The following KCNT2 variants were observed in gnomAD, a reference collection of about 807,000 sequenced individuals.
KCNT2 encodes the protein potassium channel subfamily T member 2.
Under a neutral mutation model 153.8 loss-of-function variants are expected in KCNT2, and 67 were observed. That is an observed-to-expected ratio of 0.44 (90% CI 0.36 to 0.53). KCNT2 has a LOEUF of 0.53. Among genes scored for constraint, KCNT2 ranks in the 20% least tolerant of loss-of-function variants. The probability of loss-of-function intolerance (pLI) is 0.00; values close to 1 mark genes in which losing one functional copy is unlikely to be tolerated. For synonymous variants in KCNT2, 500 were observed against 458.8 expected, an observed-to-expected ratio of 1.09 and a Z score of -1.15; for missense variants, 975 against 1,354.8, an observed-to-expected ratio of 0.72 and a Z score of 4.40.
intron 18 of KCNT2, among the ~76,000 whole-genome samples, chr1:196,328,668 C>G (rs954473871): frequency 6.6e-6 from 1 of 150,836 alleles, no homozygotes; most frequent in African/African-American, 2.4e-5. Context: ...AAATTAACAG[C>G]CTGGACTTGC....
At chr1:196,254,085 T>A (rs1407549100) in intron 26 of KCNT2, among the ~76,000 whole-genome samples, 1 of 151,494 alleles carries the variant, frequency 6.6e-6, no homozygotes, top group Non-Finnish European at 1.5e-5. Context: ...GAACAATTTA[T>A]TGCTCAAATA....
At chr1:196,258,650 A>C in intron 25 of KCNT2, 156 bp from the exon 26 acceptor site, 1 of 703,070 alleles carries the variant, frequency 1.4e-6, no homozygotes, top group Admixed American at 2.3e-5. Context: ...ATTTTCCATT[A>C]CTAAAAATAT....
intron 13 of KCNT2, among the ~76,000 whole-genome samples, chr1:196,392,843 G>GTCTGTGAC (rs1670603335): frequency 6.6e-6 from 1 of 151,338 alleles, no homozygotes; most frequent in South Asian, 2.1e-4. Context: ...AAACAATATT[G>GTCTGTGAC]TCTGTGACAT....
chr1:196,406,835 T>G (rs1671871210), intron 12 of KCNT2, among the ~76,000 whole-genome samples: 1 of 151,358 alleles, frequency 6.6e-6, no homozygotes, highest in Non-Finnish European at 1.5e-5. Flanking sequence ...GGCTGAAAAT[T>G]TACCACTCCT....
At chr1:196,485,789 T>C (rs1013915778) in intron 3 of KCNT2, among the ~76,000 whole-genome samples, 3 of 151,872 alleles carry the variant, frequency 2.0e-5, no homozygotes, top group African/African-American at 7.3e-5. Context: ...CAAACCCTCC[T>C]TCATAAAATG....
rs188509611 is a variant in KCNT2, at chr1:196,441,153, G to A, written c.639-11396C>T. ...TTGACATTCCACCTTTTTGTTAACT[G>A]AAACCGTGTTAAATCTTATTAAGAA... On this transcript the variant is annotated intron_variant, in intron 8 of 27. Coordinates refer to ENST00000294725, the MANE Select transcript of KCNT2 (RefSeq NM_198503.5). 1.3e-3 allele frequency among the ~76,000 whole-genome samples: 194 copies of A among 151,860 alleles called. 1 individual carries two copies. Among genetic ancestry groups the A allele is most frequent in the African/African-American group, 4.1e-3 (169 of 41,490 alleles).
intron 14 of KCNT2, among the ~76,000 whole-genome samples, chr1:196,365,970 A>G (rs1191994917): frequency 6.6e-6 from 1 of 152,080 alleles, no homozygotes; most frequent in Non-Finnish European, 1.5e-5. Context: ...ATCCAGTTTC[A>G]AGGCTTTAAA....
In KCNT2 at chr1:196,425,790, A is replaced by G. The variant is rs1013152625; in HGVS notation, c.1121+62T>C. 10 of 1,566,846 alleles carry G rather than the reference A, an allele frequency of 6.4e-6. No homozygotes were observed. In the African/African-American group the frequency reaches 9.5e-5, roughly 15 times the overall value. ...ACTGAAAATTGCTAAAATTTGGAGG[A>G]AAGAGAAAATATTAAGTCACTCAAA... On this transcript the variant is annotated intron_variant, in intron 11 of 27. Coordinates refer to ENST00000294725, the MANE Select transcript of KCNT2 (RefSeq NM_198503.5).
chr1:196,268,351 T>C (rs1452657662), intron 25 of KCNT2, among the ~76,000 whole-genome samples: 2 of 152,170 alleles, frequency 1.3e-5, no homozygotes, highest in African/African-American at 2.4e-5. Flanking sequence ...ATCAAAACAA[T>C]TCTTACCACC....
chr1:196,510,588 TAAC>T (rs1681534402), intron 1 of KCNT2, among the ~76,000 whole-genome samples: 2 of 152,246 alleles, frequency 1.3e-5, no homozygotes, highest in Non-Finnish European at 2.9e-5. Context: ...AAACAATGGT[TAAC>T]AATTTAAGTT....
chr1:196,275,731 CA>C (rs1222162597), intron 25 of KCNT2, among the ~76,000 whole-genome samples: 2 of 151,802 alleles, frequency 1.3e-5, no homozygotes, highest in African/African-American at 2.4e-5. Flanking sequence ...AACCAGAAAG[CA>C]AAGCCTAAAG....
chr1:196,435,139 G>GTGTA (rs1553326057), intron 8 of KCNT2, among the ~76,000 whole-genome samples: 14 of 45,720 alleles, frequency 3.1e-4, no homozygotes, highest in Admixed American at 1.3e-3. Flanking sequence ...GTGTGTGTAT[G>GTGTA]TATATATATA....
chr1:196,480,482 A>G (rs183837626), intron 4 of KCNT2, among the ~76,000 whole-genome samples: 7 of 152,258 alleles, frequency 4.6e-5, no homozygotes, highest in East Asian at 1.9e-4. Flanking sequence ...AATCATAATT[A>G]CTCATGCTTT....
At chr1:196,491,668 T>G (rs992649347) in intron 2 of KCNT2, among the ~76,000 whole-genome samples, 1 of 152,046 alleles carries the variant, frequency 6.6e-6, no homozygotes, top group African/African-American at 2.4e-5. Flanking sequence ...CTATGCCAAT[T>G]TTGTATTCTT....
At chr1:196,590,587 T>C (rs1663223412) in intron 1 of KCNT2, among the ~76,000 whole-genome samples, 2 of 152,262 alleles carry the variant, frequency 1.3e-5, no homozygotes, top group Admixed American at 6.5e-5. Context: ...ATGTAGGACA[T>C]GCTCCTCCAG....
chr1:196,442,894 T>C (rs757366651), intron 8 of KCNT2, among the ~76,000 whole-genome samples: 1 of 151,656 alleles, frequency 6.6e-6, no homozygotes, highest in Non-Finnish European at 1.5e-5. Flanking sequence ...ACAAAGGTCA[T>C]TTTGTTGTCA....
chr1:196,489,127 G>T (rs1679662550), intron 3 of KCNT2, among the ~76,000 whole-genome samples: 1 of 151,988 alleles, frequency 6.6e-6, no homozygotes. Context: ...CCCAGAGGAA[G>T]GGAGATCAAA....
chr1:196,477,889 T>C (rs770278959), intron 5 of KCNT2, among the ~76,000 whole-genome samples: 1 of 152,212 alleles, frequency 6.6e-6, no homozygotes, highest in Non-Finnish European at 1.5e-5. Context: ...CAGGTCTTAA[T>C]AGTGAAAATG....
chr1:196,565,371 A>G (rs1174724307), intron 1 of KCNT2, among the ~76,000 whole-genome samples: 1 of 151,698 alleles, frequency 6.6e-6, no homozygotes, highest in Non-Finnish European at 1.5e-5. Context: ...CCATTATGGA[A>G]AACTATCTAG....
Sources: allele counts gnomAD v4.1 joint callset (sites outside exome capture counted in the v4.1 genomes callset), GRCh38; gene constraint gnomAD v4.1.1; transcripts MANE v1.5; gene names NCBI Gene and HGNC (gene_info 2026-07-23, HGNC 2026-07-21).